Variants in SEMA3A observed in about 807,000 individuals in gnomAD.
SEMA3A encodes semaphorin 3A.
SEMA3A carries 29 observed loss-of-function variants against 97.9 expected under a neutral mutation model. That is an observed-to-expected ratio of 0.30 (90% confidence interval 0.22 to 0.40). The LOEUF (loss-of-function observed/expected upper bound fraction) is 0.40, where lower values mean the gene tolerates loss of function less well. Among genes scored for constraint, SEMA3A ranks in the 10% least tolerant of loss-of-function variants. The pLI, the probability that SEMA3A is intolerant of heterozygous loss-of-function variation, is 1.00. For synonymous variants in SEMA3A, 321 were observed against 323.7 expected, an observed-to-expected ratio of 0.99 and a Z score of 0.09; for missense variants, 763 against 951.3, an observed-to-expected ratio of 0.80 and a Z score of 2.60.
chr7:84,277,337 C>A (rs79664549), intron 3 of SEMA3A, among the ~76,000 whole-genome samples: 3 of 151,828 alleles, frequency 2.0e-5, no homozygotes, highest in Non-Finnish European at 4.4e-5. Context: ...TAGATAGAGA[C>A]GTAAAGTTGT....
intron 2 of SEMA3A, among the ~76,000 whole-genome samples, chr7:84,370,377 T>A (rs911684645): frequency 6.6e-6 from 1 of 151,782 alleles, no homozygotes; most frequent in Non-Finnish European, 1.5e-5. Flanking sequence ...CATAGGCCAA[T>A]ACCTTATATT....
chr7:84,390,999 C>G (rs1803555668), intron 1 of SEMA3A, among the ~76,000 whole-genome samples: 1 of 152,088 alleles, frequency 6.6e-6, no homozygotes, highest in South Asian at 2.1e-4. Flanking sequence ...CCCTCTCTGC[C>G]TGTAGCTTGC....
At chr7:84,059,781 G>A (rs1473352324) in intron 5 of SEMA3A, among the ~76,000 whole-genome samples, 2 of 151,318 alleles carry the variant, frequency 1.3e-5, no homozygotes, top group Non-Finnish European at 2.9e-5. Context: ...AAAAAAGAAA[G>A]GAAAAAATGA....
intron 1 of SEMA3A, among the ~76,000 whole-genome samples, chr7:84,429,515 G>GC (rs1804912586): frequency 2.8e-5 from 1 of 35,754 alleles, no homozygotes; most frequent in African/African-American, 2.2e-4. Flanking sequence ...TATAGAGTTT[G>GC]TTATATATAT....
chr7:84,252,467 G>A (rs978359800), intron 3 of SEMA3A, among the ~76,000 whole-genome samples: 2 of 152,132 alleles, frequency 1.3e-5, no homozygotes, highest in Non-Finnish European at 2.9e-5. Flanking sequence ...AGCAAAATGG[G>A]CTACATGTAA....
intron 1 of SEMA3A, among the ~76,000 whole-genome samples, chr7:84,193,309 TC>T (rs1441912319): frequency 6.6e-6 from 1 of 151,976 alleles, no homozygotes; most frequent in East Asian, 1.9e-4. Flanking sequence ...AAAAAGATGT[TC>T]CCCATCATAT....
intron 1 of SEMA3A, among the ~76,000 whole-genome samples, chr7:84,425,618 A>G (rs1417940004): frequency 6.8e-6 from 1 of 147,318 alleles, no homozygotes; most frequent in East Asian, 2.0e-4. Context: ...ATATTAACAT[A>G]TATTTATGTA....
chr7:84,072,653 T>C (rs1244070057), intron 4 of SEMA3A, among the ~76,000 whole-genome samples: 1 of 151,870 alleles, frequency 6.6e-6, no homozygotes, highest in Non-Finnish European at 1.5e-5. Flanking sequence ...CTATGTAAGG[T>C]TTATATAGGT....
intron 1 of SEMA3A, among the ~76,000 whole-genome samples, chr7:84,405,519 T>G (rs987528326): frequency 1.1e-4 from 16 of 152,124 alleles, no homozygotes; most frequent in Non-Finnish European, 2.1e-4. Flanking sequence ...ATCCAGGAAT[T>G]GAACTCAGCT....
At chr7:84,361,554 C>A (rs963114044) in intron 2 of SEMA3A, among the ~76,000 whole-genome samples, 6 of 151,832 alleles carry the variant, frequency 4.0e-5, no homozygotes, top group Non-Finnish European at 7.4e-5. Flanking sequence ...AAGCAATATT[C>A]TATTGAAAGA....
At chr7:84,424,551 T>G (rs1162897302) in intron 1 of SEMA3A, among the ~76,000 whole-genome samples, 1 of 91,142 alleles carries the variant, frequency 1.1e-5, no homozygotes, top group East Asian at 3.2e-4. Flanking sequence ...TATTAATATA[T>G]ATTATATATA....
chr7:84,406,385 T>G (rs1301261275), intron 1 of SEMA3A, among the ~76,000 whole-genome samples: 2 of 151,996 alleles, frequency 1.3e-5, no homozygotes, highest in South Asian at 2.1e-4. Context: ...AATAACAGGC[T>G]CTGAAATTGA....
At chr7:84,121,388 G>C (rs991515442) in intron 3 of SEMA3A, among the ~76,000 whole-genome samples, 4 of 149,212 alleles carry the variant, frequency 2.7e-5, no homozygotes, top group African/African-American at 9.9e-5. Flanking sequence ...AGGCCCCAGT[G>C]TGTGATGTTT....
chr7:84,244,062 G>C (rs1799425304), intron 3 of SEMA3A, among the ~76,000 whole-genome samples: 1 of 152,186 alleles, frequency 6.6e-6, no homozygotes, highest in Non-Finnish European at 1.5e-5. Flanking sequence ...TGAGAAGAAT[G>C]TATATTCTGT....
chr7:84,417,365 T>C (rs1172093607), intron 1 of SEMA3A, among the ~76,000 whole-genome samples: 1 of 152,096 alleles, frequency 6.6e-6, no homozygotes, highest in African/African-American at 2.4e-5. Context: ...GATTGATGAA[T>C]AGTATAGTGT....
chr7:84,357,364 C>G (rs1433664939), intron 2 of SEMA3A, among the ~76,000 whole-genome samples: 1 of 150,962 alleles, frequency 6.6e-6, no homozygotes, highest in Non-Finnish European at 1.5e-5. Flanking sequence ...CAGTTCCCAC[C>G]TATAAGTGAG....
intron 6 of SEMA3A, among the ~76,000 whole-genome samples, chr7:84,016,471 G>A (rs1368066358): frequency 6.6e-6 from 1 of 151,578 alleles, no homozygotes; most frequent in Non-Finnish European, 1.5e-5. Flanking sequence ...CCGGGAGGCG[G>A]AGCTTGCAGT....
rs73710493 is a variant in SEMA3A at position 84,462,670 on chromosome 7, T to A, written c.-246+29790A>T. On this transcript the variant is annotated intron_variant, in intron 1 of 3. Transcript: ENST00000424555. ...TAAAGGCCTGTTCTAAAGAAGAAAG[T>A]AGGCATCATGTGTGAATGCCTACTC... 1.0e-3 allele frequency among the ~76,000 whole-genome samples: 159 copies of A among 152,280 alleles called. 2 individuals carry two copies. The highest frequency in any genetic ancestry group is 3.7e-3 in the African/African-American group (154 of 41,566).
intron 1 of SEMA3A, among the ~76,000 whole-genome samples, chr7:84,174,984 ATCTTTTTTT>A (rs1440726878): frequency 1.3e-5 from 2 of 152,138 alleles, no homozygotes; most frequent in Non-Finnish European, 2.9e-5. Context: ...TAATTTTTTA[ATCTTTTTTT>A]TCTTTTTTAC....
Sources: allele counts gnomAD v4.1 joint callset (sites outside exome capture counted in the v4.1 genomes callset), GRCh38; gene constraint gnomAD v4.1.1; transcripts MANE v1.5; gene names NCBI Gene and HGNC (gene_info 2026-07-23, HGNC 2026-07-21).